DAB1: variants seen among roughly 807,000 people sequenced by gnomAD.
DAB1 encodes disabled homolog 1.
Under a neutral mutation model 64.6 loss-of-function variants are expected in DAB1, and 15 were observed. The observed-to-expected ratio is 0.23, with a 90% CI of 0.16 to 0.36. DAB1 has a LOEUF of 0.36. DAB1 is among the 10% of genes least tolerant of loss of function. DAB1 has a pLI of 1.00. For synonymous variants in DAB1, 235 were observed against 251.9 expected (o/e 0.93, Z 0.64); for missense variants, 596 against 706.7 (o/e 0.84, Z 1.78).
intron 2 of DAB1, among the ~76,000 whole-genome samples, chr1:57,172,317 C>A: frequency 6.6e-6 from 1 of 152,088 alleles, no homozygotes; most frequent in East Asian, 1.9e-4. Context: ...ACAATGCAAC[C>A]CATGCCACAG....
chr1:57,079,738 T>C lies in DAB1; in HGVS notation c.307-7324A>G, dbSNP rs191784917. ...TGCACCACGCTCAGGTTTTTGCATA[T>C]GCTGTTCCAGTTGCCTAGAAAGCTC... On this transcript the variant is annotated intron_variant, in intron 4 of 14. Coordinates refer to ENST00000371236, the MANE Select transcript of DAB1 (RefSeq NM_001365792.1). Among the ~76,000 whole-genome samples the C allele has an allele frequency of 1.4e-4, 22 of 152,326 alleles. No homozygotes were observed. In the East Asian group the frequency reaches 3.7e-3, roughly 25 times the overall value.
intron 1 of DAB1, among the ~76,000 whole-genome samples, chr1:57,374,511 A>G (rs1324695805): frequency 6.6e-6 from 1 of 152,200 alleles, no homozygotes; most frequent in Admixed American, 6.5e-5. Flanking sequence ...TCCAGAGTAA[A>G]TCCCTTTTCC....
chr1:57,396,638 C>A (rs969141694), intron 1 of DAB1, among the ~76,000 whole-genome samples: 2 of 152,162 alleles, frequency 1.3e-5, no homozygotes, highest in Non-Finnish European at 2.9e-5. Flanking sequence ...CTGGTTCAAA[C>A]CCTGGTTCTG....
chr1:58,177,829 T>C (rs1169338864), intron 4 of DAB1, among the ~76,000 whole-genome samples: 2 of 152,104 alleles, frequency 1.3e-5, no homozygotes, highest in Non-Finnish European at 2.9e-5. Flanking sequence ...AAATTTACAT[T>C]GGTGACCCAA....
In DAB1 at chr1:57,559,536, G is replaced by A. The variant is rs554616458; in HGVS notation, n.625+90056C>T. Reference sequence around the variant, plus strand: ...GGGGACTATTGGACACCGGCTCTTAGCTGATGTTGATTCCAGGGGACCCAA... The same window carrying A: ...GGGGACTATTGGACACCGGCTCTTAACTGATGTTGATTCCAGGGGACCCAA... On this transcript the variant is annotated intron_variant and non_coding_transcript_variant, in intron 7 of 20. Coordinates refer to the DAB1 transcript ENST00000485760. Among the ~76,000 whole-genome samples the A allele has an allele frequency of 2.0e-5, 3 of 152,322 alleles. 1 individual carries two copies. The South Asian group carries it at 6.2e-4, about 32-fold the overall frequency.
intron 7 of DAB1, among the ~76,000 whole-genome samples, chr1:57,440,686 C>T (rs1685908095): frequency 6.6e-6 from 1 of 152,166 alleles, no homozygotes; most frequent in Admixed American, 6.5e-5. Flanking sequence ...GGTGAAAAGA[C>T]ATGGTCAGAG....
At chr1:57,781,931 C>T (rs769514863) in intron 6 of DAB1, among the ~76,000 whole-genome samples, 1 of 152,012 alleles carries the variant, frequency 6.6e-6, no homozygotes, top group Non-Finnish European at 1.5e-5. Context: ...TTTAAGTAGA[C>T]AATAGATCCA....
chr1:57,852,364 A>G (rs1461097725), intron 1 of DAB1, among the ~76,000 whole-genome samples: 1 of 152,188 alleles, frequency 6.6e-6, no homozygotes, highest in African/African-American at 2.4e-5. Flanking sequence ...ATAGCACCTA[A>G]GTATGAAAGT....
intron 1 of DAB1, among the ~76,000 whole-genome samples, chr1:58,544,995 G>A (rs1055881438): frequency 3.3e-5 from 5 of 152,052 alleles, no homozygotes; most frequent in Admixed American, 6.6e-5. Context: ...ACTGCACTGC[G>A]AAGTGTTGGG....
At chr1:58,473,841 T>C in intron 3 of DAB1, 1 of 597,438 alleles carries the variant, frequency 1.7e-6, no homozygotes, top group Non-Finnish European at 2.9e-6. Flanking sequence ...CCAAGACTGG[T>C]GTGTCTTCCT....
intron 7 of DAB1, among the ~76,000 whole-genome samples, chr1:57,449,017 A>G (rs78923059): frequency 6.6e-6 from 1 of 152,252 alleles, no homozygotes; most frequent in East Asian, 1.9e-4. Flanking sequence ...CCTGAAATAC[A>G]GCATTTCCAT....
intron 2 of DAB1, among the ~76,000 whole-genome samples, chr1:57,241,506 G>A (rs562045087): frequency 8.5e-5 from 13 of 152,260 alleles, no homozygotes; most frequent in Admixed American, 2.0e-4. Flanking sequence ...AATTGATCAC[G>A]TTGCTATAGA....
At chr1:57,679,455 A>T (rs542846108) in intron 6 of DAB1, among the ~76,000 whole-genome samples, 29 of 152,354 alleles carry the variant, frequency 1.9e-4, no homozygotes, top group African/African-American at 6.5e-4. Flanking sequence ...CACGCTCTTC[A>T]TCATCTTTAG....
intron 4 of DAB1, among the ~76,000 whole-genome samples, chr1:58,190,912 G>A (rs892185712): frequency 3.3e-5 from 5 of 152,164 alleles, no homozygotes; most frequent in Non-Finnish European, 5.9e-5. Context: ...AGGAAAACTC[G>A]ACTTCCCGCA....
chr1:57,361,190 T>G (rs891462155), intron 1 of DAB1, among the ~76,000 whole-genome samples: 3 of 152,124 alleles, frequency 2.0e-5, no homozygotes, highest in African/African-American at 7.2e-5. Flanking sequence ...CAATTACAGA[T>G]GTAATATCAA....
intron 5 of DAB1, among the ~76,000 whole-genome samples, chr1:57,942,181 C>T (rs960464096): frequency 6.6e-6 from 1 of 152,112 alleles, no homozygotes; most frequent in South Asian, 2.1e-4. Context: ...TATATCATTG[C>T]TCACAAGCCT....
intron 7 of DAB1, among the ~76,000 whole-genome samples, chr1:57,610,346 G>A (rs188190265): frequency 2.4e-4 from 37 of 152,252 alleles, no homozygotes; most frequent in Admixed American, 2.3e-3. Context: ...ACTAATCTGA[G>A]CACTGTACAC....
intron 9 of DAB1, among the ~76,000 whole-genome samples, chr1:57,036,070 T>C (rs1168406874): frequency 1.3e-5 from 2 of 152,104 alleles, no homozygotes; most frequent in East Asian, 3.9e-4. Context: ...CTTGAACTCC[T>C]GACCTCAGCC....
At position 58,496,169 on chromosome 1, in the gene DAB1, C is replaced by CTTTTTTTTTTTTTTT. The variant is rs375006213; in HGVS notation, n.257+9890_257+9891insAAAAAAAAAAAAAAA. Among the ~76,000 whole-genome samples the CTTTTTTTTTTTTTTT allele has an allele frequency of 2.1e-5, 3 of 144,968 alleles. No individual in the cohort carries two copies. The East Asian group carries it at 6.4e-4, about 31-fold the overall frequency. On this transcript the variant is annotated intron_variant and non_coding_transcript_variant, in intron 3 of 20. Transcript: ENST00000485760. ...TTCAATATTCTTTCATTTTTTTAGA[C>CTTTTTTTTTTTTTTT]TTTTTTTTTTTGGCTTTGGGCATTT...
Sources: allele counts gnomAD v4.1 joint callset (sites outside exome capture counted in the v4.1 genomes callset), GRCh38; gene constraint gnomAD v4.1.1; transcripts MANE v1.5; gene names NCBI Gene and HGNC (gene_info 2026-07-23, HGNC 2026-07-21).